DENND1B: variants seen among roughly 807,000 people sequenced by gnomAD.
The protein encoded by DENND1B is DENN domain-containing protein 1B.
A neutral mutation model predicts 90.1 loss-of-function variants in DENND1B; 59 were observed. The observed-to-expected ratio is 0.65, with a 90% CI of 0.53 to 0.81. The LOEUF is 0.81. DENND1B is among the 40% of genes least tolerant of loss of function. The pLI, the probability that DENND1B is intolerant of heterozygous loss-of-function variation, is 0.00. For synonymous variants in DENND1B, 337 were observed against 324.6 expected (o/e 1.04, Z -0.41); for missense variants, 862 against 912.6 (o/e 0.94, Z 0.71).
At chr1:197,528,738 T>C (rs969329548) in intron 20 of DENND1B, among the ~76,000 whole-genome samples, 1 of 150,696 alleles carries the variant, frequency 6.6e-6, no homozygotes, top group African/African-American at 2.4e-5. Context: ...CGGGCGCCTG[T>C]AGTCCCAGCT....
intron 11 of DENND1B, among the ~76,000 whole-genome samples, chr1:197,615,259 A>G (rs1039269189): frequency 1.3e-5 from 2 of 151,176 alleles, no homozygotes; most frequent in African/African-American, 4.8e-5. Context: ...ATAGATGGTC[A>G]CTAAGTGTTT....
intron 10 of DENND1B, among the ~76,000 whole-genome samples, chr1:197,621,737 T>TAAAG (rs1009122046): frequency 6.6e-6 from 1 of 151,186 alleles, no homozygotes; most frequent in Admixed American, 6.6e-5. Flanking sequence ...GAGAAAAGGG[T>TAAAG]AAAGGGAAGA....
At chr1:197,646,424 T>C (rs1425366979) in intron 8 of DENND1B, among the ~76,000 whole-genome samples, 2 of 151,994 alleles carry the variant, frequency 1.3e-5, no homozygotes, top group Admixed American at 1.3e-4. Flanking sequence ...ACATAAAGAA[T>C]ACATTGTGTA....
intron 3 of DENND1B, chr1:197,688,865 C>G (rs1225778682): frequency 9.4e-6 from 2 of 212,588 alleles, no homozygotes; most frequent in Non-Finnish European, 2.0e-5. Flanking sequence ...TGGAATTGAC[C>G]AAAGAACCAT....
intron 10 of DENND1B, among the ~76,000 whole-genome samples, chr1:197,622,780 C>G (rs1183909506): frequency 5.3e-5 from 8 of 151,538 alleles, no homozygotes; most frequent in South Asian, 2.1e-4. Flanking sequence ...CCAAAGTTGT[C>G]CTGCTTTGTG....
At chr1:197,595,860 T>G (rs1339816910) in intron 13 of DENND1B, among the ~76,000 whole-genome samples, 1 of 152,122 alleles carries the variant, frequency 6.6e-6, no homozygotes. Context: ...GTTATTGAAA[T>G]TATACCATGA....
chr1:197,509,710 G>C lies in DENND1B; in HGVS notation c.*750C>G, dbSNP rs546690961. ...CCCCTAAATAGCAAAGGCATACAGA[G>C]AGACTGAAAACTCGTTAGAGTGTCT... On this transcript the variant is annotated 3_prime_UTR_variant, in exon 23 of 23. Transcript: ENST00000620048. The C allele has an allele frequency of 6.6e-6, 1 of 151,188 alleles. No individual in the cohort carries two copies. Among genetic ancestry groups the C allele is most frequent in the Non-Finnish European group, 1.5e-5 (1 of 67,656 alleles). 9.4% of individuals were successfully genotyped at this position (151,188 alleles called of 1,614,324 possible).
intron 15 of DENND1B, among the ~76,000 whole-genome samples, chr1:197,558,465 A>G (rs1280183166): frequency 6.6e-6 from 1 of 151,792 alleles, no homozygotes; most frequent in Non-Finnish European, 1.5e-5. Flanking sequence ...CGGAGATGAC[A>G]AGGATTTTAG....
chr1:197,580,582 G>C (rs753374178), intron 15 of DENND1B, among the ~76,000 whole-genome samples: 1 of 151,888 alleles, frequency 6.6e-6, no homozygotes, highest in Non-Finnish European at 1.5e-5. Context: ...TTTAAATTTC[G>C]TTTGAGTTTT....
intron 20 of DENND1B, among the ~76,000 whole-genome samples, chr1:197,524,891 G>A (rs1669032642): frequency 6.6e-6 from 1 of 152,174 alleles, no homozygotes; most frequent in Non-Finnish European, 1.5e-5. Flanking sequence ...GAGAATATGA[G>A]AAATCAGAAC....
intron 3 of DENND1B, among the ~76,000 whole-genome samples, chr1:197,698,869 C>T (rs539282787): frequency 6.6e-6 from 1 of 152,090 alleles, no homozygotes; most frequent in South Asian, 2.1e-4. Flanking sequence ...ACGAAGAAGT[C>T]GAATCCCTGA....
intron 22 of DENND1B, among the ~76,000 whole-genome samples, chr1:197,511,404 G>A (rs1376104711): frequency 6.6e-6 from 1 of 151,686 alleles, no homozygotes; most frequent in Admixed American, 6.6e-5. Flanking sequence ...CAGGAAATAT[G>A]GGGAAAAAGT....
chr1:197,559,689 T>G (rs980427655), intron 15 of DENND1B, among the ~76,000 whole-genome samples: 1 of 150,604 alleles, frequency 6.6e-6, no homozygotes, highest in Non-Finnish European at 1.5e-5. Context: ...TCTTTAAAAT[T>G]TGCCTTTTTA....
intron 10 of DENND1B, among the ~76,000 whole-genome samples, chr1:197,637,024 GA>G (rs567647758): frequency 1.4e-4 from 20 of 147,604 alleles, no homozygotes; most frequent in African/African-American, 3.5e-4. Context: ...ACTGTAAAAT[GA>G]AAAAAAAAAT....
chr1:197,687,924 T>C (rs1572333887), intron 3 of DENND1B, among the ~76,000 whole-genome samples: 3 of 151,980 alleles, frequency 2.0e-5, no homozygotes, highest in Non-Finnish European at 4.4e-5. Flanking sequence ...CCCTAAAGAG[T>C]GCATCAAAAA....
At chr1:197,729,023 C>T (rs1337722941) in intron 2 of DENND1B, among the ~76,000 whole-genome samples, 1 of 152,082 alleles carries the variant, frequency 6.6e-6, no homozygotes, top group Non-Finnish European at 1.5e-5. Context: ...ACTTATACTC[C>T]AACACATGCT....
rs568537475 is a variant in DENND1B, at chr1:197,554,146, C to G, written c.1150-1034G>C. On this transcript the variant is annotated intron_variant, in intron 15 of 22. Coordinates refer to ENST00000620048, the MANE Select transcript of DENND1B (RefSeq NM_001195215.2). ...ACACACACACACACACACACACACACACGTATTACTAGCAGCACTTGGTTA... is the reference window on the plus strand; with the variant it reads ...ACACACACACACACACACACACACAGACGTATTACTAGCAGCACTTGGTTA... 7.5e-4 allele frequency among the ~76,000 whole-genome samples: 99 copies of G among 131,532 alleles called. No homozygotes were observed. In the East Asian group the frequency reaches 0.023, roughly 30 times the overall value. The allele number at this position is 131,532 out of a possible 152,430, so 86.3% of individuals were successfully genotyped here.
intron 2 of DENND1B, among the ~76,000 whole-genome samples, chr1:197,732,482 G>A (rs1662237393): frequency 6.6e-6 from 1 of 152,070 alleles, no homozygotes; most frequent in African/African-American, 2.4e-5. Flanking sequence ...GTAACTACAG[G>A]AAGAAATGTG....
chr1:197,604,859 C>T (rs775713660), intron 13 of DENND1B, among the ~76,000 whole-genome samples: 2 of 150,992 alleles, frequency 1.3e-5, no homozygotes, highest in Non-Finnish European at 3.0e-5. Context: ...ATGCTTCATC[C>T]TATTTCCACC....
Sources: allele counts gnomAD v4.1 joint callset (sites outside exome capture counted in the v4.1 genomes callset), GRCh38; gene constraint gnomAD v4.1.1; transcripts MANE v1.5; gene names NCBI Gene and HGNC (gene_info 2026-07-23, HGNC 2026-07-21).